The following HECW2 variants were observed in gnomAD, a reference collection of about 807,000 sequenced individuals.
HECW2 encodes the protein HECT, C2 and WW domain containing E3 ubiquitin protein ligase 2.
A neutral mutation model predicts 175.2 loss-of-function variants in HECW2; 61 were observed. The ratio of observed to expected loss-of-function variants is 0.35; its 90% CI spans 0.28 to 0.43. The LOEUF (loss-of-function observed/expected upper bound fraction) is 0.43. HECW2 is among the 20% of genes least tolerant of loss of function. The pLI is 1.00. For missense variants in HECW2, 1,524 were observed against 2,000.5 expected, an observed-to-expected ratio of 0.76 and a Z score of 4.54; for synonymous variants, 671 against 731.0, an observed-to-expected ratio of 0.92 and a Z score of 1.32.
At chr2:196,429,272 C>G (rs1191451798) in intron 2 of HECW2, among the ~76,000 whole-genome samples, 2 of 152,132 alleles carry the variant, frequency 1.3e-5, no homozygotes, top group Non-Finnish European at 2.9e-5. Context: ...AGATTAAGGA[C>G]TTACTGCTCA....
At chr2:196,570,562 G>A (rs1005777927) in intron 1 of HECW2, among the ~76,000 whole-genome samples, 2 of 152,152 alleles carry the variant, frequency 1.3e-5, no homozygotes, top group African/African-American at 4.8e-5. Context: ...TGGGGTAGGG[G>A]GTAGGGGGAG....
At chr2:196,259,001 C>T (rs558377196) in intron 17 of HECW2, among the ~76,000 whole-genome samples, 1 of 152,244 alleles carries the variant, frequency 6.6e-6, no homozygotes, top group East Asian at 1.9e-4. Context: ...TGAGACAGGG[C>T]CTTACTCTGT....
chr2:196,551,664 TA>T (rs1270312721), intron 1 of HECW2, among the ~76,000 whole-genome samples: 11 of 152,238 alleles, frequency 7.2e-5, no homozygotes, highest in African/African-American at 2.7e-4. Context: ...TCAGGTCATC[TA>T]AATACAGTAT....
chr2:196,451,390 G>GC (rs1696341697), intron 1 of HECW2, among the ~76,000 whole-genome samples: 1 of 144,502 alleles, frequency 6.9e-6, no homozygotes, highest in South Asian at 2.2e-4. Flanking sequence ...CTGAGATCGC[G>GC]CCACTGCACT....
intron 2 of HECW2, among the ~76,000 whole-genome samples, chr2:196,383,269 T>C (rs1694258070): frequency 6.6e-6 from 1 of 152,222 alleles, no homozygotes; most frequent in Admixed American, 6.5e-5. Flanking sequence ...CTGTTTGGGC[T>C]ACAATGAATT....
rs551992915 is a variant in HECW2 at position 196,588,967 on chromosome 2, C to T, written c.-36+4541G>A. Among the ~76,000 whole-genome samples the T allele has an allele frequency of 3.3e-5, 5 of 152,088 alleles. No individual in the cohort carries two copies. The South Asian group carries it at 8.3e-4, about 25-fold the overall frequency. ...CTGTAATCCCAACACTTTGGGAGGC[C>T]GAGGAGGGTGGATCATTTGTCAGGA... On this transcript the variant is annotated intron_variant, in intron 1 of 28. Transcript: ENST00000644978.
At chr2:196,593,288 G>C (rs1319756262) in intron 1 of HECW2, among the ~76,000 whole-genome samples, 1 of 151,220 alleles carries the variant, frequency 6.6e-6, no homozygotes, top group Non-Finnish European at 1.5e-5. Context: ...GAGGGCGCCG[G>C]GGGTCCTGCG....
At chr2:196,377,840 T>C (rs1020951444) in intron 2 of HECW2, among the ~76,000 whole-genome samples, 1 of 152,178 alleles carries the variant, frequency 6.6e-6, no homozygotes, top group Non-Finnish European at 1.5e-5. Context: ...ATTAAGTCAA[T>C]ACTGCTAAGC....
At chr2:196,403,220 G>T (rs1372809548) in intron 2 of HECW2, among the ~76,000 whole-genome samples, 1 of 150,998 alleles carries the variant, frequency 6.6e-6, no homozygotes, top group Non-Finnish European at 1.5e-5. Context: ...ATAGCCACAG[G>T]CTACTAAAAT....
Position 196,194,840 on chromosome 2 carries a change from CT to C in HECW2, c.*6436del, listed in dbSNP as rs1384851659. On this transcript the variant is annotated 3_prime_UTR_variant, in exon 29 of 29. Transcript: ENST00000644978. Reference sequence around the variant, plus strand: ...ACACACTGTGTGGTGAACGTAATGACTGAGGTTGGTGAAGAGAAATTAAAAG... The same window carrying C: ...ACACACTGTGTGGTGAACGTAATGACGAGGTTGGTGAAGAGAAATTAAAAG... 1 of 152,078 alleles carries C rather than the reference CT, an allele frequency of 6.6e-6. No individual in the cohort carries two copies. The highest frequency in any genetic ancestry group is 2.1e-4 in the South Asian group (1 of 4,824). The allele number at this position is 152,078 out of a possible 1,614,324, so 9.4% of individuals were successfully genotyped here.
chr2:196,365,848 G>C (rs982360071), intron 2 of HECW2, among the ~76,000 whole-genome samples: 2 of 152,148 alleles, frequency 1.3e-5, no homozygotes, highest in Non-Finnish European at 2.9e-5. Context: ...AGAGTCACCA[G>C]AGTAACAATC....
chr2:196,401,954 A>G (rs947040612), intron 2 of HECW2, among the ~76,000 whole-genome samples: 12 of 152,078 alleles, frequency 7.9e-5, no homozygotes, highest in Non-Finnish European at 1.6e-4. Flanking sequence ...TAATCCCAGC[A>G]CTTTGGGAGG....
chr2:196,494,162 G>A (rs927475229), intron 1 of HECW2, among the ~76,000 whole-genome samples: 1 of 152,176 alleles, frequency 6.6e-6, no homozygotes, highest in African/African-American at 2.4e-5. Context: ...ACTTGTTCAG[G>A]AAAATGTTTC....
chr2:196,284,068 T>C (rs1286897945), intron 14 of HECW2, among the ~76,000 whole-genome samples: 1 of 152,218 alleles, frequency 6.6e-6, no homozygotes, highest in Non-Finnish European at 1.5e-5. Flanking sequence ...CTTTTTATGT[T>C]CTTCCCACTC....
Position 196,433,144 on chromosome 2 carries a change from G to A in HECW2, c.280C>T (p.Leu94Phe), listed in dbSNP as rs1208923058. The part of the protein sequence containing the change: ...EEVDPSDWIG[L>F]YHIDENSPAN... ...CCACTTGACTCACCTATATGATAAA[G>A]TCCAATCCAATCACTGGGGTCCACC... The change falls in exon 2 of 29, where the codon CTT becomes TTT. Residue 94 changes from leucine (L) to phenylalanine (F), a missense_variant. This residue lies in a region of HECW2 where 135 missense variants were observed against 214.6 expected (regional missense o/e 0.63). Transcript: ENST00000644978. 6.2e-7 allele frequency: 1 copy of A among 1,612,030 alleles called. No individual in the cohort carries two copies. Among genetic ancestry groups the A allele is most frequent in the Non-Finnish European group, 8.5e-7 (1 of 1,178,588 alleles).
At chr2:196,206,831 C>A (rs754416364) in intron 28 of HECW2, among the ~76,000 whole-genome samples, 2 of 152,150 alleles carry the variant, frequency 1.3e-5, no homozygotes, top group East Asian at 1.9e-4. Context: ...CTAGGAGACA[C>A]CTTTGTTTCA....
intron 13 of HECW2, among the ~76,000 whole-genome samples, chr2:196,304,823 C>T (rs1433420716): frequency 2.6e-5 from 4 of 152,138 alleles, no homozygotes; most frequent in Non-Finnish European, 5.9e-5. Context: ...CACTAGTGTC[C>T]TATGTTCTCA....
intron 13 of HECW2, among the ~76,000 whole-genome samples, chr2:196,298,520 T>C (rs10182392): frequency 0.21 from 31,955 of 152,124 alleles, 3,638 homozygotes; most frequent in Middle Eastern, 0.28. Context: ...TCTTATACTT[T>C]AAGTTCTCGG....
At chr2:196,412,612 C>CA (rs1695145225) in intron 2 of HECW2, among the ~76,000 whole-genome samples, 1 of 152,184 alleles carries the variant, frequency 6.6e-6, no homozygotes, top group Admixed American at 6.5e-5. Flanking sequence ...TTGTTTTGGC[C>CA]AGGAAGCCTT....
Sources: gnomAD v4.1 joint callset for allele counts (sites outside exome capture counted in the v4.1 genomes callset) on GRCh38, gnomAD v4.1.1 for gene constraint, gnomAD v4.1.1 regional missense constraint, MANE v1.5 for transcripts, NCBI Gene and HGNC (gene_info 2026-07-23, HGNC 2026-07-21) for gene names.